KCNQ1: variants seen among roughly 807,000 people sequenced by gnomAD.
KCNQ1 encodes the protein potassium voltage-gated channel subfamily KQT member 1.
A neutral mutation model predicts 72.4 loss-of-function variants in KCNQ1; 49 were observed. The observed-to-expected ratio is 0.68, with a 90% confidence interval of 0.54 to 0.86. The LOEUF is 0.86. KCNQ1 is among the 40% of genes least tolerant of loss of function. The probability of loss-of-function intolerance (pLI) is 0.00; values close to 1 mark genes in which losing one functional copy is unlikely to be tolerated. For synonymous variants in KCNQ1, 450 were observed against 412.6 expected (o/e 1.09, Z -1.10); for missense variants, 790 against 945.1 (o/e 0.84, Z 2.15).
At chr11:2,573,637 G>A (rs1355562627) in intron 6 of KCNQ1, among the ~76,000 whole-genome samples, 1 of 151,048 alleles carries the variant, frequency 6.6e-6, no homozygotes, top group Non-Finnish European at 1.5e-5. Flanking sequence ...GGCTGCCCCT[G>A]GCTGTGAAGG....
chr11:2,738,361 T>C (rs1182110404), intron 11 of KCNQ1, among the ~76,000 whole-genome samples: 1 of 152,116 alleles, frequency 6.6e-6, no homozygotes, highest in African/African-American at 2.4e-5. Context: ...GGAGGTGACA[T>C]TTGTACCAAG....
chr11:2,827,131 G>A lies in KCNQ1; in HGVS notation c.1795-20636G>A, dbSNP rs897888454. On this transcript the variant is annotated intron_variant, in intron 15 of 15. Transcript: ENST00000155840. The surrounding 1 kb of genome is among the most constrained non-coding windows in gnomAD (Gnocchi z 6.7). Reference sequence around the variant, plus strand: ...AGAGGAGGCCAGGCACAGTCACCTCGTGTTGCTGTCCCCCAGGTAGGAGAT... The same window carrying A: ...AGAGGAGGCCAGGCACAGTCACCTCATGTTGCTGTCCCCCAGGTAGGAGAT... Among the ~76,000 whole-genome samples, 1 of 152,180 alleles carries A rather than the reference G, an allele frequency of 6.6e-6. No individual in the cohort carries two copies. The highest frequency in any genetic ancestry group is 1.5e-5 in the Non-Finnish European group (1 of 68,016).
chr11:2,756,638 A>G (rs1243001945), intron 11 of KCNQ1, among the ~76,000 whole-genome samples: 1 of 151,824 alleles, frequency 6.6e-6, no homozygotes, highest in African/African-American at 2.4e-5. Flanking sequence ...TTTTGTAGAG[A>G]TGTGGTTTGG....
At chr11:2,648,887 G>A (rs966130187) in intron 10 of KCNQ1, 31 of 397,710 alleles carry the variant, frequency 7.8e-5, no homozygotes, top group Admixed American at 6.6e-4. Context: ...GGGTACTCCA[G>A]TGTTGTTGGT....
Position 2,484,832 on chromosome 11 carries a change from T to G in KCNQ1, c.386+39348T>G, listed in dbSNP as rs990172004. On this transcript the variant is annotated intron_variant, in intron 1 of 15. Coordinates refer to ENST00000155840, the MANE Select transcript of KCNQ1 (RefSeq NM_000218.3). This position sits in a 1 kb window ranked among gnomAD's most constrained non-coding sequence, Gnocchi z 5.2. ...ATCTGCAGATATATTCATACATGAG[T>G]GGGCTCATACTGTCTCCAACTCCAG... Among the ~76,000 whole-genome samples the G allele has an allele frequency of 6.6e-6, 1 of 152,174 alleles. No individual in the cohort carries two copies. Among genetic ancestry groups the G allele is most frequent in the Non-Finnish European group, 1.5e-5 (1 of 68,036 alleles).
Position 2,824,336 on chromosome 11 carries a change from C to T in KCNQ1, c.1795-23431C>T, listed in dbSNP as rs1027677643. Among the ~76,000 whole-genome samples, 1 of 152,056 alleles carries T rather than the reference C, an allele frequency of 6.6e-6. No individual in the cohort carries two copies. The highest frequency in any genetic ancestry group is 1.5e-5 in the Non-Finnish European group (1 of 68,018). ...AGATACGAGAGGGGATTTGGAGACA[C>T]AATCCCCAGACTTGGGGACGAGCTG... On this transcript the variant is annotated intron_variant, in intron 15 of 15. Transcript: ENST00000155840. The surrounding 1 kb of genome is among the most constrained non-coding windows in gnomAD (Gnocchi z 5.9).
rs531204763 is a variant in KCNQ1, at chr11:2,661,119, C to T, written c.1394-842C>T. 44 of 398,280 alleles carry T rather than the reference C, an allele frequency of 1.1e-4. No individual in the cohort carries two copies. The South Asian group carries it at 1.3e-3, about 12-fold the overall frequency. The allele number at this position is 398,280 out of a possible 1,614,324, so 24.7% of individuals were successfully genotyped here. On this transcript the variant is annotated intron_variant, in intron 10 of 15. Coordinates refer to ENST00000155840, the MANE Select transcript of KCNQ1 (RefSeq NM_000218.3). This position sits in a 1 kb window ranked among gnomAD's most constrained non-coding sequence, Gnocchi z 5.9. ...CAACTCCCACCTGGCATCTGCTGCTCGGATGAGCAGAGAGGGTGGGCTAGG... is the reference window on the plus strand; with the variant it reads ...CAACTCCCACCTGGCATCTGCTGCTTGGATGAGCAGAGAGGGTGGGCTAGG...
chr11:2,500,221 A>G lies in KCNQ1; in HGVS notation c.387-27707A>G, dbSNP rs1846987477. ...TTTGTAGTTCTCCTTGAAGATATGA[A>G]CAGACACTTCTCAAAAAAAAGACAT... On this transcript the variant is annotated intron_variant, in intron 1 of 15. Transcript: ENST00000155840. 1.3e-5 allele frequency among the ~76,000 whole-genome samples: 2 copies of G among 152,204 alleles called. 1 individual carries two copies. Among genetic ancestry groups the G allele is most frequent in the South Asian group, 4.1e-4 (2 of 4,834 alleles).
rs908129248 is a variant in KCNQ1 at position 2,782,302 on chromosome 11, T to C, written c.1794+4265T>C. Among the ~76,000 whole-genome samples, 1 of 152,182 alleles carries C rather than the reference T, an allele frequency of 6.6e-6. No homozygotes were observed. Among genetic ancestry groups the C allele is most frequent in the Non-Finnish European group, 1.5e-5 (1 of 68,030 alleles). Reference sequence around the variant, plus strand: ...CCTCACACCCACCAATCCTTCACATTGTATATTATTTCTTAAACACTGCTG... The same window carrying C: ...CCTCACACCCACCAATCCTTCACATCGTATATTATTTCTTAAACACTGCTG... On this transcript the variant is annotated intron_variant, in intron 15 of 15. Coordinates refer to ENST00000155840, the MANE Select transcript of KCNQ1 (RefSeq NM_000218.3). The surrounding 1 kb of genome is among the most constrained non-coding windows in gnomAD (Gnocchi z 6.1).
At chr11:2,513,079 C>T (rs952102227) in intron 1 of KCNQ1, among the ~76,000 whole-genome samples, 42 of 152,160 alleles carry the variant, frequency 2.8e-4, no homozygotes, top group Admixed American at 7.2e-4. Flanking sequence ...AGAGAGCTCC[C>T]GAGGAGAAAG....
At chr11:2,577,017 C>T (rs1020080649) in intron 6 of KCNQ1, among the ~76,000 whole-genome samples, 6 of 152,216 alleles carry the variant, frequency 3.9e-5, no homozygotes, top group South Asian at 4.1e-4. Flanking sequence ...GACAGCAGTC[C>T]GTCTCCCAGG....
chr11:2,733,864 C>CCCCCT (rs55641944), intron 11 of KCNQ1, among the ~76,000 whole-genome samples: 4 of 96,422 alleles, frequency 4.1e-5, no homozygotes, highest in African/African-American at 1.7e-4. Context: ...TCTCCCCCCC[C>CCCCCT]ACTTCAGGGC....
intron 12 of KCNQ1, among the ~76,000 whole-genome samples, chr11:2,770,267 G>A (rs1407123266): frequency 6.6e-6 from 1 of 152,214 alleles, no homozygotes; most frequent in Non-Finnish European, 1.5e-5. Flanking sequence ...CGGTCTGGGT[G>A]CAGACCCTGG....
rs1240021180 is a variant in KCNQ1 at position 2,735,822 on chromosome 11, TCTC to T, written c.1515-33018_1515-33016del. Among the ~76,000 whole-genome samples, 3 of 152,118 alleles carry T rather than the reference TCTC, an allele frequency of 2.0e-5. No individual in the cohort carries two copies. Among genetic ancestry groups the T allele is most frequent in the Non-Finnish European group, 2.9e-5 (2 of 68,030 alleles). ...CCCTCTGTGTGTGCCCGAGTCACCT[TCTC>T]CTCTCATAAGGACCCCAGTCAGGTG... On this transcript the variant is annotated intron_variant, in intron 11 of 15. Coordinates refer to ENST00000155840, the MANE Select transcript of KCNQ1 (RefSeq NM_000218.3). The surrounding 1 kb of genome is among the most constrained non-coding windows in gnomAD (Gnocchi z 7.7).
At chr11:2,639,291 T>G (rs1293265857) in intron 10 of KCNQ1, 1 of 152,274 alleles carries the variant, frequency 6.6e-6, no homozygotes, top group Non-Finnish European at 1.5e-5. Context: ...AGAGGTGCTC[T>G]GAGTTTTAGA....
At chr11:2,841,363 C>T (rs924886055) in intron 15 of KCNQ1, among the ~76,000 whole-genome samples, 48 of 152,202 alleles carry the variant, frequency 3.2e-4, no homozygotes, top group African/African-American at 1.0e-3. Context: ...AGGGAAGGCT[C>T]AGCCTGGCTG....
At chr11:2,795,391 C>T (rs1847110818) in intron 15 of KCNQ1, among the ~76,000 whole-genome samples, 1 of 152,254 alleles carries the variant, frequency 6.6e-6, no homozygotes, top group Non-Finnish European at 1.5e-5. Flanking sequence ...CTCTCTTTCC[C>T]TAAAGGTGAA....
intron 15 of KCNQ1, among the ~76,000 whole-genome samples, chr11:2,796,591 G>A (rs1033904980): frequency 5.3e-5 from 8 of 152,226 alleles, no homozygotes; most frequent in South Asian, 2.1e-4. Flanking sequence ...AACGTGCCCC[G>A]AAGGGGCCTG....
intron 10 of KCNQ1, chr11:2,641,973 T>C (rs1256081933): frequency 2.5e-6 from 1 of 398,402 alleles, no homozygotes. Flanking sequence ...GGTTCTACTC[T>C]GTTCCATTGG....
Sources: allele counts gnomAD v4.1 joint callset (sites outside exome capture counted in the v4.1 genomes callset), GRCh38; gene constraint gnomAD v4.1.1; non-coding constraint Gnocchi (gnomAD v3.1); transcripts MANE v1.5; gene names NCBI Gene and HGNC (gene_info 2026-07-23, HGNC 2026-07-21).